The following SEMA4A variants were observed in gnomAD, a reference collection of about 807,000 sequenced individuals.
SEMA4A encodes the protein semaphorin 4A, also known as semaphorin-4A.
SEMA4A carries 52 observed loss-of-function variants against 72.5 expected under a neutral mutation model. That is an observed-to-expected ratio of 0.72 (90% CI 0.57 to 0.90). The LOEUF (loss-of-function observed/expected upper bound fraction) is 0.90. Among genes scored for constraint, SEMA4A ranks in the 40% least tolerant of loss-of-function variants. The probability of loss-of-function intolerance (pLI) is 0.00; values close to 1 mark genes in which losing one functional copy is unlikely to be tolerated. For synonymous variants in SEMA4A, 369 were observed against 393.1 expected, an observed-to-expected ratio of 0.94 and a Z score of 0.73; for missense variants, 926 against 959.7, an observed-to-expected ratio of 0.96 and a Z score of 0.46.
intron 6 of SEMA4A, 90 bp from the exon 7 acceptor site, chr1:156,160,353 T>C (rs937955222): frequency 2.0e-5 from 20 of 1,013,856 alleles, no homozygotes; most frequent in Non-Finnish European, 3.0e-5. Flanking sequence ...GAGACTGATA[T>C]GGATGCCAGC....
intron 2 of SEMA4A, 40 bp downstream of exon 2, chr1:156,154,757 A>G: frequency 6.4e-7 from 1 of 1,562,196 alleles, no homozygotes; most frequent in Non-Finnish European, 8.7e-7. Flanking sequence ...ATAGCAATAG[A>G]GAGCTGGAGG....
At chr1:156,159,296 T>G (rs768013595) in intron 6 of SEMA4A, among the ~76,000 whole-genome samples, 2 of 152,106 alleles carry the variant, frequency 1.3e-5, no homozygotes, top group Non-Finnish European at 2.9e-5. Context: ...ATCGCGCCAC[T>G]GCACTCCAGC....
At chr1:156,149,102 G>T (rs59714961), upstream of SEMA4A, among the ~76,000 whole-genome samples, 18,157 of 152,086 alleles carry the variant, frequency 0.12, 2,672 homozygotes, top group African/African-American at 0.35. Context: ...GCACCCAGCC[G>T]GAAGGGGCTT....
intron 7 of SEMA4A, 137 bp from the exon 8 acceptor site, chr1:156,160,768 G>T (rs926498423): frequency 7.7e-7 from 1 of 1,304,366 alleles, no homozygotes; most frequent in Non-Finnish European, 1.1e-6. Flanking sequence ...ACCCCACATC[G>T]CTACCCCTCG....
At chr1:156,173,323 C>T (rs1283910709) in intron 11 of SEMA4A, among the ~76,000 whole-genome samples, 1 of 152,150 alleles carries the variant, frequency 6.6e-6, no homozygotes, top group Non-Finnish European at 1.5e-5. Context: ...GAGCTGGAAA[C>T]CGCACATGTA....
At chr1:156,165,037 T>C (rs1654035569) in intron 10 of SEMA4A, among the ~76,000 whole-genome samples, 1 of 152,074 alleles carries the variant, frequency 6.6e-6, no homozygotes, top group Non-Finnish European at 1.5e-5. Flanking sequence ...CTGACCTCAG[T>C]TGATCCTCCT....
chr1:156,161,084 G>A, intron 8 of SEMA4A, 55 bp downstream of exon 8: 1 of 1,593,842 alleles, frequency 6.3e-7, no homozygotes, highest in Non-Finnish European at 8.5e-7. Context: ...ATAGGGAGAT[G>A]GCAGGGGCAG....
At chr1:156,158,189 A>T in intron 4 of SEMA4A, 57 bp downstream of exon 4, 1 of 1,584,638 alleles carries the variant, frequency 6.3e-7, no homozygotes, top group Non-Finnish European at 8.7e-7. Context: ...GCATCCCTAG[A>T]CCATCCCTGG....
At chr1:156,152,308 A>G (rs1652600646), upstream of SEMA4A, among the ~76,000 whole-genome samples, 1 of 152,122 alleles carries the variant, frequency 6.6e-6, no homozygotes, top group Non-Finnish European at 1.5e-5. Flanking sequence ...CATGGAGTCT[A>G]TGACTTCCAG....
intron 11 of SEMA4A, among the ~76,000 whole-genome samples, chr1:156,173,456 T>C (rs575105832): frequency 2.0e-4 from 30 of 151,988 alleles, no homozygotes; most frequent in African/African-American, 6.8e-4. Context: ...GCCCCCAGGG[T>C]TCTTGTTTTG....
intron 2 of SEMA4A, chr1:156,155,058 T>C: frequency 8.5e-6 from 3 of 353,408 alleles, no homozygotes; most frequent in Non-Finnish European, 1.6e-5. Flanking sequence ...TGCTTCACAC[T>C]CCCAGGTACC....
At chr1:156,149,916 T>C (rs991417494), upstream of SEMA4A, 1 of 151,664 alleles carries the variant, frequency 6.6e-6, no homozygotes, top group African/African-American at 2.4e-5. Flanking sequence ...GGAGGAAGAA[T>C]ATGGGGAGAT....
chr1:156,148,801 CTT>C (rs371528689), upstream of SEMA4A, among the ~76,000 whole-genome samples: 11 of 128,716 alleles, frequency 8.5e-5, no homozygotes, highest in Non-Finnish European at 9.9e-5. Context: ...TTTCTTTTTT[CTT>C]TTTTTTTTTT....
upstream of SEMA4A, among the ~76,000 whole-genome samples, chr1:156,149,343 T>C (rs995342280): frequency 1.3e-5 from 2 of 152,234 alleles, no homozygotes; most frequent in African/African-American, 4.8e-5. Context: ...GTCTGAAGTC[T>C]GCTCTCTACA....
rs755370926 is a variant in SEMA4A, at chr1:156,162,972, G to A, written c.1012G>A (p.Val338Ile). The A allele has an allele frequency of 2.5e-6, 4 of 1,614,060 alleles. No homozygotes were observed. Among genetic ancestry groups the A allele is most frequent in the Non-Finnish European group, 3.4e-6 (4 of 1,180,046 alleles). ...GGTTGGCGGGACCAGGAGCTCTGCG[G>A]TTTGTGCCTTCTCTCTCTTGGACAT... ...WQVGGTRSSAVCAFSLLDIER... is the reference protein window; with the variant it reads ...WQVGGTRSSAICAFSLLDIER... Residue 338 changes from valine to isoleucine, a missense_variant, in exon 10 of 15, where the codon GTT becomes ATT. Transcript: ENST00000368285.
rs369891374 is a variant in SEMA4A at position 156,176,256 on chromosome 1, A to G, written c.1694-149A>G. 1,375 of 656,568 alleles carry G rather than the reference A, an allele frequency of 2.1e-3. 28 individuals are homozygous for G. The highest frequency in any genetic ancestry group is 0.019 in the South Asian group (999 of 53,116). 40.7% of individuals were successfully genotyped at this position (656,568 alleles called of 1,614,324 possible). ...GGTTGCAGTGAGCTGAGGTTGTGCC[A>G]CTGCACTCCAGCCTGGGCAATAGAG... is the stretch of plus-strand genomic sequence containing the variant. On this transcript the variant is annotated intron_variant, in intron 14 of 14. Coordinates refer to ENST00000368285, the MANE Select transcript of SEMA4A (RefSeq NM_022367.4).
intron 10 of SEMA4A, among the ~76,000 whole-genome samples, chr1:156,171,086 T>G (rs1489280142): frequency 4.6e-5 from 7 of 152,088 alleles, no homozygotes; most frequent in Non-Finnish European, 8.8e-5. Context: ...AAAAACCCTT[T>G]GGGAGGACAT....
chr1:156,160,010 A>T (rs1029544069), intron 6 of SEMA4A, among the ~76,000 whole-genome samples: 1 of 151,236 alleles, frequency 6.6e-6, no homozygotes, highest in African/African-American at 2.4e-5. Context: ...GCCTTCCTGG[A>T]GGAGATGGCC....
At chr1:156,175,825 T>G (rs113570884) in intron 14 of SEMA4A, among the ~76,000 whole-genome samples, 169 bp downstream of exon 14, 7 of 152,302 alleles carry the variant, frequency 4.6e-5, no homozygotes, top group African/African-American at 1.2e-4. Flanking sequence ...GGCATAGGAA[T>G]TCTGAGCTGG....
Sources: gnomAD v4.1 joint callset for allele counts (sites outside exome capture counted in the v4.1 genomes callset) on GRCh38, gnomAD v4.1.1 for gene constraint, MANE v1.5 for transcripts, NCBI Gene and HGNC (gene_info 2026-07-23, HGNC 2026-07-21) for gene names.